The following DCUN1D3 variants were observed in gnomAD, a reference collection of about 807,000 sequenced individuals.
DCUN1D3 encodes the protein DCN1-like protein 3.
In DCUN1D3, 6 loss-of-function variants were observed where a neutral mutation model predicts 24.8. That is an observed-to-expected ratio of 0.24 (90% CI 0.13 to 0.48). The LOEUF (loss-of-function observed/expected upper bound fraction) is 0.48, where lower values mean the gene tolerates loss of function less well. Ranked by LOEUF, DCUN1D3 falls within the 20% of genes least tolerant of loss-of-function variation. The pLI is 0.99. For missense variants in DCUN1D3, 258 were observed against 379.4 expected (o/e 0.68, Z 2.66); for synonymous variants, 120 against 144.9 (o/e 0.83, Z 1.24).
At chr16:20,897,236 A>G (rs1013673185) in intron 1 of DCUN1D3, among the ~76,000 whole-genome samples, 2 of 152,346 alleles carry the variant, frequency 1.3e-5, no homozygotes, top group African/African-American at 4.8e-5. Context: ...CCAGTGTGAC[A>G]TGGCTCAAGA....
At chr16:20,878,714 C>T (rs1362343227) in intron 1 of DCUN1D3, among the ~76,000 whole-genome samples, 1 of 152,220 alleles carries the variant, frequency 6.6e-6, no homozygotes, top group African/African-American at 2.4e-5. Context: ...TGTTACACCT[C>T]TTGAGATGTT....
At chr16:20,872,435 C>T (rs940748993) in intron 1 of DCUN1D3, among the ~76,000 whole-genome samples, 4 of 149,680 alleles carry the variant, frequency 2.7e-5, no homozygotes, top group Admixed American at 1.3e-4. Flanking sequence ...AGGTTCACCA[C>T]GTGGTAACCA....
intron 1 of DCUN1D3, among the ~76,000 whole-genome samples, chr16:20,877,757 TGA>T (rs2081823371): frequency 6.6e-6 from 1 of 152,172 alleles, no homozygotes; most frequent in Admixed American, 6.5e-5. Context: ...TAAAGGGAGT[TGA>T]GTCCTAAGAA....
chr16:20,860,259 T>C lies in DCUN1D3; in HGVS notation c.542A>G (p.Asp181Gly). The C allele has an allele frequency of 1.9e-6, 3 of 1,614,214 alleles. No homozygotes were observed. Among genetic ancestry groups the C allele is most frequent in the Non-Finnish European group, 2.5e-6 (3 of 1,180,036 alleles). The part of the protein sequence containing the change: ...TEAKQEDKFK[D>G]LYRFTFQFGL... The stretch of plus-strand genomic sequence containing the variant: ...AAACTGAAATGTAAACCGGTAGAGA[T>C]CCTTGAATTTATCCTCTTGTTTGGC... Residue 181 changes from aspartate (D) to glycine (G), a missense_variant, in exon 3 of 3, where the codon GAT (aspartate) becomes GGT (glycine). By Grantham distance (94) the Asp-to-Gly change is moderately conservative. Coordinates refer to ENST00000324344, the MANE Select transcript of DCUN1D3 (RefSeq NM_173475.4). This position sits in a 1 kb window ranked among gnomAD's most constrained non-coding sequence, Gnocchi z 4.3.
At chr16:20,878,271 C>G (rs957430283) in intron 1 of DCUN1D3, among the ~76,000 whole-genome samples, 4 of 152,114 alleles carry the variant, frequency 2.6e-5, no homozygotes, top group African/African-American at 4.8e-5. Context: ...TACACAGGTC[C>G]ATCTCTCCTC....
intron 1 of DCUN1D3, among the ~76,000 whole-genome samples, chr16:20,887,068 C>T (rs1239889167): frequency 2.0e-5 from 3 of 152,308 alleles, no homozygotes; most frequent in Non-Finnish European, 4.4e-5. Flanking sequence ...AATCCCAGCA[C>T]TTTGGGAGGC....
At chr16:20,891,431 C>T (rs2081891927) in intron 1 of DCUN1D3, among the ~76,000 whole-genome samples, 2 of 152,228 alleles carry the variant, frequency 1.3e-5, no homozygotes. Context: ...TTCTCTAATG[C>T]TCTAACGGAT....
intron 1 of DCUN1D3, among the ~76,000 whole-genome samples, chr16:20,890,380 C>A (rs577103072): frequency 1.6e-3 from 246 of 152,150 alleles, no homozygotes; most frequent in African/African-American, 5.6e-3. Context: ...GTAATCCCAG[C>A]ACTTTGAGAG....
chr16:20,889,791 C>A (rs974729344), intron 1 of DCUN1D3, among the ~76,000 whole-genome samples: 7 of 152,148 alleles, frequency 4.6e-5, no homozygotes, highest in Non-Finnish European at 1.0e-4. Context: ...TTTATGCTAA[C>A]AAGGTGATTT....
At chr16:20,873,007 T>C (rs1040295038) in intron 1 of DCUN1D3, among the ~76,000 whole-genome samples, 1 of 152,072 alleles carries the variant, frequency 6.6e-6, no homozygotes, top group African/African-American at 2.4e-5. Flanking sequence ...TCCCAGCTAC[T>C]TGGGAACCTG....
At chr16:20,893,205 ACT>A (rs2081900032) in intron 1 of DCUN1D3, among the ~76,000 whole-genome samples, 1 of 150,466 alleles carries the variant, frequency 6.6e-6, no homozygotes, top group Non-Finnish European at 1.5e-5. Context: ...ACAGGGTCTC[ACT>A]CTGTCACCAA....
At chr16:20,895,026 T>C (rs1249575094) in intron 1 of DCUN1D3, among the ~76,000 whole-genome samples, 3 of 152,106 alleles carry the variant, frequency 2.0e-5, no homozygotes, top group Non-Finnish European at 4.4e-5. Context: ...CTAATAACAA[T>C]ACAACAATAA....
Position 20,862,530 on chromosome 16 carries a change from C to G in DCUN1D3, c.9G>C (p.Gln3His). The G allele has an allele frequency of 6.2e-7, 1 of 1,602,058 alleles. No homozygotes were observed. The highest frequency in any genetic ancestry group is 8.5e-7 in the Non-Finnish European group (1 of 1,179,028). Residue 3 changes from glutamine (Q) to histidine (H), a missense_variant, in exon 2 of 3, where the codon CAG (glutamine) becomes CAC (histidine). Gln to His is a conservative substitution (Grantham distance 24). Transcript: ENST00000324344. MG[Q>H]CVTKCKNPSS... is the part of the protein sequence containing the mutation. ...AGGGATTCTTACACTTGGTGACACA[C>G]TGGCCCATGGTGCTGGTGGCCTGGC...
intron 1 of DCUN1D3, among the ~76,000 whole-genome samples, chr16:20,891,549 T>A (rs982748770): frequency 6.6e-6 from 1 of 152,146 alleles, no homozygotes; most frequent in African/African-American, 2.4e-5. Context: ...TAAAGATGAC[T>A]GGTCTCCAAG....
chr16:20,893,172 C>CTT (rs574352951), intron 1 of DCUN1D3, among the ~76,000 whole-genome samples: 2 of 144,386 alleles, frequency 1.4e-5, no homozygotes, highest in Admixed American at 6.9e-5. Flanking sequence ...ATTTACTCAT[C>CTT]TTTTTTTTTT....
At chr16:20,890,913 AT>A (rs150298028) in intron 1 of DCUN1D3, among the ~76,000 whole-genome samples, 2,315 of 143,320 alleles carry the variant, frequency 0.016, 25 homozygotes, top group African/African-American at 0.03. Context: ...CCTGGTCAAA[AT>A]TTTTTTTTTT....
intron 1 of DCUN1D3, among the ~76,000 whole-genome samples, chr16:20,876,271 T>A (rs1320577340): frequency 6.6e-6 from 1 of 152,134 alleles, no homozygotes; most frequent in East Asian, 1.9e-4. Flanking sequence ...CCGACTCTAA[T>A]CTGATTTTTA....
At chr16:20,864,817 A>G (rs886409380) in intron 1 of DCUN1D3, among the ~76,000 whole-genome samples, 6 of 152,186 alleles carry the variant, frequency 3.9e-5, no homozygotes, top group East Asian at 1.9e-4. Context: ...GCCATAAAAA[A>G]GAACGAGATC....
Position 20,860,462 on chromosome 16 carries a change from G to T in DCUN1D3, c.432-93C>A. 1 of 1,338,824 alleles carries T rather than the reference G, an allele frequency of 7.5e-7. No individual in the cohort carries two copies. The allele number at this position is 1,338,824 out of a possible 1,614,324, so 82.9% of individuals were successfully genotyped here. A position where few individuals can be genotyped will look rare whatever the true frequency, so the allele number is the denominator to read the frequency against. ...GATTAAGAGCAAGGCTTTCAGGCCA[G>T]ATGGTCTGAATTTGAATTCTAACTC... On this transcript the variant is annotated intron_variant, in intron 2 of 2. Transcript: ENST00000324344. This position sits in a 1 kb window ranked among gnomAD's most constrained non-coding sequence, Gnocchi z 4.3.
Sources: gnomAD v4.1 joint callset for allele counts (sites outside exome capture counted in the v4.1 genomes callset) on GRCh38, gnomAD v4.1.1 for gene constraint, Gnocchi (gnomAD v3.1) non-coding constraint, MANE v1.5 for transcripts, NCBI Gene and HGNC (gene_info 2026-07-23, HGNC 2026-07-21) for gene names.